The following KIF6 variants were observed in gnomAD, a reference collection of about 807,000 sequenced individuals.
The protein encoded by KIF6 is kinesin-like protein KIF6.
In KIF6, 106 loss-of-function variants were observed where a neutral mutation model predicts 112.7. The ratio of observed to expected loss-of-function variants is 0.94; its 90% confidence interval spans 0.80 to 1.11. KIF6 has a LOEUF of 1.11. Among genes scored for constraint, KIF6 ranks in the 50% least tolerant of loss-of-function variants. The pLI, the probability that KIF6 is intolerant of heterozygous loss-of-function variation, is 0.00. For synonymous variants in KIF6, 339 were observed against 339.9 expected (o/e 1.00, Z 0.03); for missense variants, 929 against 964.0 (o/e 0.96, Z 0.48).
intron 10 of KIF6, among the ~76,000 whole-genome samples, chr6:39,565,924 T>C (rs761753630): frequency 6.6e-5 from 10 of 152,182 alleles, no homozygotes; most frequent in Non-Finnish European, 1.3e-4. Context: ...AAAGAAGCAT[T>C]AAGGTATTAA....
At chr6:39,494,314 A>T (rs1246461967) in intron 13 of KIF6, among the ~76,000 whole-genome samples, 1 of 152,222 alleles carries the variant, frequency 6.6e-6, no homozygotes, top group African/African-American at 2.4e-5. Flanking sequence ...TTTTAGTCAC[A>T]AGGATGTTTA....
At chr6:39,559,301 T>G (rs1779890728) in intron 10 of KIF6, among the ~76,000 whole-genome samples, 1 of 152,106 alleles carries the variant, frequency 6.6e-6, no homozygotes, top group African/African-American at 2.4e-5. Flanking sequence ...ATTTTTTTTT[T>G]AAAACTGCCC....
chr6:39,563,528 G>A (rs976945366), intron 10 of KIF6, among the ~76,000 whole-genome samples: 1 of 152,072 alleles, frequency 6.6e-6, no homozygotes, highest in Admixed American at 6.6e-5. Flanking sequence ...ATATATGTAT[G>A]TCTTCATTGA....
At chr6:39,679,998 T>A (rs1053233108) in intron 3 of KIF6, among the ~76,000 whole-genome samples, 20 of 151,150 alleles carry the variant, frequency 1.3e-4, no homozygotes, top group African/African-American at 4.9e-4. Flanking sequence ...ATAAAACAAG[T>A]ATAGTTAGTT....
At chr6:39,713,811 G>A (rs903729610) in intron 3 of KIF6, among the ~76,000 whole-genome samples, 4 of 152,162 alleles carry the variant, frequency 2.6e-5, no homozygotes, top group Non-Finnish European at 5.9e-5. Flanking sequence ...AAAAAGACAA[G>A]GGCATGGTTT....
chr6:39,636,955 A>G (rs1784649426), intron 4 of KIF6, among the ~76,000 whole-genome samples: 1 of 152,068 alleles, frequency 6.6e-6, no homozygotes, highest in African/African-American at 2.4e-5. Context: ...TATAACAGAG[A>G]AATAAGATTC....
intron 4 of KIF6, among the ~76,000 whole-genome samples, chr6:39,636,040 C>A (rs577512004): frequency 1.3e-5 from 2 of 151,876 alleles, no homozygotes; most frequent in East Asian, 3.9e-4. Flanking sequence ...GAGAGAGGAC[C>A]AAGTCACAGA....
At chr6:39,613,167 C>G (rs1306984613) in intron 6 of KIF6, 22 bp downstream of exon 6, 4 of 1,546,246 alleles carry the variant, frequency 2.6e-6, no homozygotes, top group Non-Finnish European at 3.5e-6. Flanking sequence ...GAAGAAACAG[C>G]TTGCAGAGAG....
At chr6:39,420,667 C>T (rs1770298105) in intron 14 of KIF6, among the ~76,000 whole-genome samples, 1 of 152,064 alleles carries the variant, frequency 6.6e-6, no homozygotes, top group African/African-American at 2.4e-5. Flanking sequence ...AATACAAAAA[C>T]AAGAAAAAAA....
chr6:39,443,042 A>G (rs112815968), intron 13 of KIF6, among the ~76,000 whole-genome samples: 1 of 151,172 alleles, frequency 6.6e-6, no homozygotes. Flanking sequence ...TGAACCCGGG[A>G]GGTGGAGCTT....
intron 2 of KIF6, among the ~76,000 whole-genome samples, chr6:39,716,003 G>T (rs545514476): frequency 6.6e-6 from 1 of 151,952 alleles, no homozygotes; most frequent in Non-Finnish European, 1.5e-5. Flanking sequence ...TGATGATAAC[G>T]CTGGTTCACT....
chr6:39,520,714 C>G (rs922058486), intron 13 of KIF6, among the ~76,000 whole-genome samples: 1 of 152,208 alleles, frequency 6.6e-6, no homozygotes, highest in Non-Finnish European at 1.5e-5. Context: ...GAGGGCTTTT[C>G]AAGCAATGAC....
At chr6:39,575,269 A>C (rs1582171758) in intron 10 of KIF6, among the ~76,000 whole-genome samples, 1 of 142,596 alleles carries the variant, frequency 7.0e-6, no homozygotes, top group South Asian at 2.3e-4. Context: ...GCGTCTTCTT[A>C]TTTTTCTTTT....
In KIF6 at chr6:39,647,764, T is replaced by C. The variant is rs148279650; in HGVS notation, c.252-8007A>G. The stretch of plus-strand genomic sequence containing the variant: ...CTCTGTCACCCAGGCTGGAGTGCAA[T>C]GGTGCGATCTCAGCTCACTGCAACC... On this transcript the variant is annotated intron_variant, in intron 3 of 22. Coordinates refer to ENST00000287152, the MANE Select transcript of KIF6 (RefSeq NM_145027.6). Among the ~76,000 whole-genome samples the C allele has an allele frequency of 8.1e-3, 1,207 of 149,858 alleles. 17 individuals are homozygous for C. Among genetic ancestry groups the C allele is most frequent in the African/African-American group, 0.027 (1,114 of 40,692 alleles).
At chr6:39,469,741 A>G (rs1357786916) in intron 13 of KIF6, among the ~76,000 whole-genome samples, 1 of 152,212 alleles carries the variant, frequency 6.6e-6, no homozygotes, top group African/African-American at 2.4e-5. Flanking sequence ...AAAAGCATCA[A>G]TCAATCCATC....
At chr6:39,542,281 C>T (rs1778830848) in intron 12 of KIF6, among the ~76,000 whole-genome samples, 1 of 152,160 alleles carries the variant, frequency 6.6e-6, no homozygotes, top group Non-Finnish European at 1.5e-5. Flanking sequence ...TTCTTGTCCT[C>T]CCTATTCCCA....
chr6:39,407,370 T>A (rs1347712472), intron 15 of KIF6, among the ~76,000 whole-genome samples: 1 of 152,238 alleles, frequency 6.6e-6, no homozygotes, highest in Non-Finnish European at 1.5e-5. Context: ...CCCCTTGATG[T>A]CTTTTTGCCT....
chr6:39,481,929 G>A (rs1353746777), intron 13 of KIF6, among the ~76,000 whole-genome samples: 1 of 151,626 alleles, frequency 6.6e-6, no homozygotes, highest in Non-Finnish European at 1.5e-5. Flanking sequence ...CCATGATACT[G>A]TCAGTACTCT....
chr6:39,439,381 G>A (rs1006432266), intron 13 of KIF6, among the ~76,000 whole-genome samples: 8 of 152,214 alleles, frequency 5.3e-5, no homozygotes, highest in South Asian at 2.1e-4. Context: ...GGTTCCCAGC[G>A]CTGGATCCCT....
Sources: gnomAD v4.1 joint callset for allele counts (sites outside exome capture counted in the v4.1 genomes callset) on GRCh38, gnomAD v4.1.1 for gene constraint, MANE v1.5 for transcripts, NCBI Gene and HGNC (gene_info 2026-07-23, HGNC 2026-07-21) for gene names.